DOP1B: variants seen among roughly 807,000 people sequenced by gnomAD.
DOP1B encodes the protein DOP1 leucine zipper like protein B.
Under a neutral mutation model 233.5 loss-of-function variants are expected in DOP1B, and 174 were observed. The ratio of observed to expected loss-of-function variants is 0.75; its 90% CI spans 0.66 to 0.85. The LOEUF is 0.85. Ranked by LOEUF, DOP1B falls within the 40% of genes least tolerant of loss-of-function variation. DOP1B has a pLI of 0.00. For missense variants in DOP1B, 2,652 were observed against 2,846.6 expected (o/e 0.93, Z 1.56); for synonymous variants, 1,190 against 1,185.6 (o/e 1.00, Z -0.08).
intron 23 of DOP1B, among the ~76,000 whole-genome samples, chr21:36,260,353 C>T (rs1389778015): frequency 6.6e-6 from 1 of 152,096 alleles, no homozygotes; most frequent in Non-Finnish European, 1.5e-5. Flanking sequence ...GGAGTCAACA[C>T]TGGCCCTAGC....
At chr21:36,217,984 C>T (rs956043164) in intron 9 of DOP1B, among the ~76,000 whole-genome samples, 10 of 152,262 alleles carry the variant, frequency 6.6e-5, no homozygotes, top group South Asian at 4.1e-4. Context: ...ATGAATATCA[C>T]GCTCCTGCCC....
At chr21:36,170,849 T>C (rs1422198628) in intron 2 of DOP1B, among the ~76,000 whole-genome samples, 3 of 151,552 alleles carry the variant, frequency 2.0e-5, no homozygotes, top group Non-Finnish European at 4.4e-5. Context: ...TACCTGAGGA[T>C]TCCCATCCCA....
At chr21:36,223,000 C>T (rs528905974) in intron 10 of DOP1B, among the ~76,000 whole-genome samples, 7 of 152,194 alleles carry the variant, frequency 4.6e-5, no homozygotes, top group South Asian at 2.1e-4. Context: ...TGTGAGCCAC[C>T]GCACCCAGCT....
chr21:36,267,916 G>T (rs2123653275), intron 26 of DOP1B, among the ~76,000 whole-genome samples: 1 of 152,106 alleles, frequency 6.6e-6, no homozygotes, highest in South Asian at 2.1e-4. Context: ...GCTTCAAAGG[G>T]CAAAAAGCAG....
intron 2 of DOP1B, among the ~76,000 whole-genome samples, chr21:36,171,799 G>A (rs1288887628): frequency 6.6e-6 from 1 of 152,188 alleles, no homozygotes; most frequent in Non-Finnish European, 1.5e-5. Flanking sequence ...GCCCTAGAAT[G>A]CTATGACAGT....
intron 14 of DOP1B, among the ~76,000 whole-genome samples, chr21:36,232,423 A>T (rs1370228754): frequency 6.6e-6 from 1 of 152,162 alleles, no homozygotes; most frequent in Non-Finnish European, 1.5e-5. Flanking sequence ...CCTGGATGGA[A>T]TACTTTTTGG....
rs368943642 is a variant in DOP1B, at chr21:36,245,401, G to A, written c.3421G>A (p.Glu1141Lys). The A allele has an allele frequency of 1.7e-5, 27 of 1,613,950 alleles. No individual in the cohort carries two copies. The highest frequency in any genetic ancestry group is 6.7e-5 in the East Asian group (3 of 44,894). ...PSHDLQELSN[E>K]ENCCAPIPMG... ...CCACGACCTGCAGGAGCTGAGCAACGAAGAGAACTGCTGTGCACCCATCCC... is the reference window on the plus strand; with the variant it reads ...CCACGACCTGCAGGAGCTGAGCAACAAAGAGAACTGCTGTGCACCCATCCC... The change falls in exon 19 of 37, where the codon GAA becomes AAA. Residue 1141 changes from glutamate (E) to lysine (K), a missense_variant. Glu to Lys is a moderately conservative substitution (Grantham distance 56, BLOSUM62 1). This residue lies in a region of DOP1B where 2,617 missense variants were observed against 2,794.3 expected (regional missense o/e 0.94). Transcript: ENST00000691173. This position sits in a 1 kb window ranked among gnomAD's most constrained non-coding sequence, Gnocchi z 5.5.
intron 33 of DOP1B, 30 bp downstream of exon 33, chr21:36,288,180 A>G: frequency 1.3e-6 from 2 of 1,593,196 alleles, no homozygotes; most frequent in Non-Finnish European, 1.7e-6. Context: ...GTTTGAAAGC[A>G]AGGTTGGAGC....
At chr21:36,211,894 G>T in intron 6 of DOP1B, 80 bp from the exon 7 acceptor site, 2 of 1,591,740 alleles carry the variant, frequency 1.3e-6, no homozygotes, top group Middle Eastern at 1.7e-4. Flanking sequence ...TTGCAGACCA[G>T]CAAGGAAGGG....
intron 36 of DOP1B, 77 bp from the exon 37 acceptor site, chr21:36,293,243 C>A: frequency 6.7e-7 from 1 of 1,493,280 alleles, no homozygotes; most frequent in Non-Finnish European, 9.0e-7. Context: ...TTAGGTTTTG[C>A]CACATGCATG....
intron 36 of DOP1B, among the ~76,000 whole-genome samples, chr21:36,292,448 G>A (rs995536497): frequency 1.3e-5 from 2 of 151,280 alleles, no homozygotes; most frequent in African/African-American, 2.4e-5. Context: ...GTTCTGAGAC[G>A]GAATCTCACT....
chr21:36,162,210 T>A (rs1286227023), intron 1 of DOP1B, among the ~76,000 whole-genome samples: 1 of 152,188 alleles, frequency 6.6e-6, no homozygotes, highest in East Asian at 1.9e-4. Flanking sequence ...AGTTTATTTG[T>A]TTGAGACAGG....
At chr21:36,219,667 T>C (rs537738557) in intron 10 of DOP1B, among the ~76,000 whole-genome samples, 175 bp downstream of exon 10, 2 of 152,256 alleles carry the variant, frequency 1.3e-5, no homozygotes, top group South Asian at 2.1e-4. Context: ...GAATTGACTG[T>C]TCCCTACTGA....
chr21:36,236,780 T>TC (rs996678327), intron 15 of DOP1B, among the ~76,000 whole-genome samples: 7 of 144,788 alleles, frequency 4.8e-5, no homozygotes, highest in East Asian at 4.0e-4. Flanking sequence ...TCTTTTTCTT[T>TC]TTTTTTTTTT....
At chr21:36,231,259 G>T (rs2066761922) in intron 14 of DOP1B, 125 bp downstream of exon 14, 3 of 1,279,030 alleles carry the variant, frequency 2.3e-6, no homozygotes. Flanking sequence ...ACTTTTTTCA[G>T]ATTTTTGGAA....
chr21:36,158,952 ACT>A (rs1173095695), intron 1 of DOP1B, among the ~76,000 whole-genome samples: 1 of 149,502 alleles, frequency 6.7e-6, no homozygotes. Context: ...ACATGGTGAA[ACT>A]CTGTCTCTAC....
In DOP1B at chr21:36,214,066, C is replaced by T; in HGVS notation, c.905-15C>T. 6.3e-7 allele frequency: 1 copy of T among 1,595,440 alleles called. No homozygotes were observed. The highest frequency in any genetic ancestry group is 2.2e-5 in the East Asian group (1 of 44,788). On this transcript the variant is annotated splice_polypyrimidine_tract_variant and intron_variant, in intron 7 of 36. Coordinates refer to ENST00000691173, the MANE Select transcript of DOP1B (RefSeq NM_001320714.2). ...GCACAGCTCTCTTTACAGCTCGGCG[C>T]TTGTTCTTTTGTAGGCTCAGACATA...
At chr21:36,256,037 T>C (rs928373792) in intron 23 of DOP1B, among the ~76,000 whole-genome samples, 5 of 152,234 alleles carry the variant, frequency 3.3e-5, no homozygotes, top group Admixed American at 3.3e-4. Context: ...TCTTCATCAT[T>C]GAAAGCAGCA....
rs566938279 is a variant in DOP1B at position 36,219,415 on chromosome 21, C to T, written c.1173C>T (p.Ala391=). The part of the protein sequence containing the change: ...VGNLFLEVIR[A]FYSYCRDALG... ...ATTTGTTTCTCGAAGTCATCAGGGC[C>T]TTTTATTCTTACTGCAGAGATGCCC... Residue 391 remains alanine, a synonymous_variant, in exon 10 of 37, where the codon GCC becomes GCT. Coordinates refer to ENST00000691173, the MANE Select transcript of DOP1B (RefSeq NM_001320714.2). 6.2e-7 allele frequency: 1 copy of T among 1,614,146 alleles called. No homozygotes were observed. Among genetic ancestry groups the T allele is most frequent in the East Asian group, 2.2e-5 (1 of 44,880 alleles).
Sources: allele counts gnomAD v4.1 joint callset (sites outside exome capture counted in the v4.1 genomes callset), GRCh38; gene constraint gnomAD v4.1.1; regional missense constraint gnomAD v4.1.1; non-coding constraint Gnocchi (gnomAD v3.1); transcripts MANE v1.5; gene names NCBI Gene and HGNC (gene_info 2026-07-23, HGNC 2026-07-21).